ABCB4: variants seen among roughly 807,000 people sequenced by gnomAD.
The protein encoded by ABCB4 is ATP binding cassette subfamily B member 4.
In ABCB4, 76 loss-of-function variants were observed where a neutral mutation model predicts 145.7. The ratio of observed to expected loss-of-function variants is 0.52; its 90% CI spans 0.43 to 0.63. ABCB4 has a LOEUF of 0.63. Among genes scored for constraint, ABCB4 ranks in the 30% least tolerant of loss-of-function variants. The probability of loss-of-function intolerance (pLI) is 0.00; values close to 1 mark genes in which losing one functional copy is unlikely to be tolerated. For synonymous variants in ABCB4, 517 were observed against 566.8 expected, an observed-to-expected ratio of 0.91 and a Z score of 1.25; for missense variants, 1,234 against 1,553.1, an observed-to-expected ratio of 0.79 and a Z score of 3.45.
the ABCB4 span, among the ~76,000 whole-genome samples, chr7:87,374,253 T>C: frequency 6.6e-6 from 1 of 152,250 alleles, no homozygotes; most frequent in South Asian, 2.1e-4. Flanking sequence ...TTACCAAATC[T>C]GTATCTCTTA....
the ABCB4 span, chr7:87,369,789 T>C: frequency 6.6e-6 from 1 of 151,238 alleles, no homozygotes; most frequent in East Asian, 1.9e-4. Context: ...CCTGTTGCAA[T>C]GAATTTACAT....
the ABCB4 span, chr7:87,382,106 A>G: frequency 1.1e-5 from 18 of 1,613,562 alleles, no homozygotes; most frequent in Non-Finnish European, 1.3e-5. Context: ...TACCACTTCC[A>G]GAAGAGCTCA....
chr7:87,372,197 C>T, the ABCB4 span, among the ~76,000 whole-genome samples: 1 of 151,856 alleles, frequency 6.6e-6, no homozygotes, highest in African/African-American at 2.4e-5. Context: ...TTTACTTTAT[C>T]CTTATTGATT....
intron 21 of ABCB4, among the ~76,000 whole-genome samples, chr7:87,414,812 A>G (rs767975468): frequency 2.5e-4 from 38 of 152,254 alleles, no homozygotes; most frequent in Non-Finnish European, 4.8e-4. Flanking sequence ...GAGAAAAATT[A>G]CTGAGCTTTT....
At chr7:87,406,032 G>A (rs1205820099) in intron 26 of ABCB4, 7 of 554,950 alleles carry the variant, frequency 1.3e-5, no homozygotes, top group Non-Finnish European at 1.9e-5. Flanking sequence ...CATGACTGCA[G>A]TCTAAATGCA....
At chr7:87,475,243 AC>A (rs1813716031) in intron 2 of ABCB4, 142 bp downstream of exon 2, 3 of 946,278 alleles carry the variant, frequency 3.2e-6, no homozygotes, top group Non-Finnish European at 5.1e-6. Context: ...CAAGGTCAGA[AC>A]CGGATGCAAG....
intron 16 of ABCB4, among the ~76,000 whole-genome samples, chr7:87,426,466 C>T (rs774853747): frequency 6.6e-6 from 1 of 152,102 alleles, no homozygotes; most frequent in Non-Finnish European, 1.5e-5. Flanking sequence ...GTCTTATTAC[C>T]TCTGGACCTC....
Position 87,475,479 on chromosome 7 carries a change from G to C in ABCB4, c.-6-8C>G. 1 of 1,614,128 alleles carries C rather than the reference G, an allele frequency of 6.2e-7. No individual in the cohort carries two copies. Among genetic ancestry groups the C allele is most frequent in the Non-Finnish European group, 8.5e-7 (1 of 1,179,982 alleles). ...CTCAAGATCCATCTCAGCCTGAGGA[G>C]AAACCACAGCCTCAGAACCAAGTAC... is the stretch of plus-strand genomic sequence containing the variant. On this transcript the variant is annotated splice_polypyrimidine_tract_variant and splice_region_variant and intron_variant, in intron 1 of 27. Coordinates refer to ENST00000649586, the MANE Select transcript of ABCB4 (RefSeq NM_000443.4).
rs1809050928 is a variant in ABCB4, at chr7:87,417,352, T to C, written c.2642A>G (p.Asn881Ser). 1 of 1,614,036 alleles carries C rather than the reference T, an allele frequency of 6.2e-7. No individual in the cohort carries two copies. Among genetic ancestry groups the C allele is most frequent in the Non-Finnish European group, 8.5e-7 (1 of 1,180,014 alleles). ...CAGTTCTTTTTTATCTCTTTTGGCATTTCCAGCCAACAATTTCATTTCAAC... is the reference window on the plus strand; with the variant it reads ...CAGTTCTTTTTTATCTCTTTTGGCACTTCCAGCCAACAATTTCATTTCAAC... ...GIVEMKLLAG[N>S]AKRDKKELEA... The change falls in exon 21 of 28, where the codon AAT becomes AGT. Residue 881 changes from asparagine (N) to serine (S), a missense_variant. Coordinates refer to ENST00000649586, the MANE Select transcript of ABCB4 (RefSeq NM_000443.4).
At chr7:87,385,294 A>G in the ABCB4 span, among the ~76,000 whole-genome samples, 1 of 152,094 alleles carries the variant, frequency 6.6e-6, no homozygotes, top group Non-Finnish European at 1.5e-5. Flanking sequence ...TAGGATGGAC[A>G]TTTTAACAAT....
intron 23 of ABCB4, among the ~76,000 whole-genome samples, chr7:87,409,961 T>C (rs1420401716): frequency 6.6e-6 from 1 of 152,212 alleles, no homozygotes; most frequent in Non-Finnish European, 1.5e-5. Context: ...ATAACTATGC[T>C]ATCAGTTATT....
the ABCB4 span, among the ~76,000 whole-genome samples, chr7:87,396,076 G>A: frequency 6.6e-6 from 1 of 152,170 alleles, no homozygotes; most frequent in African/African-American, 2.4e-5. Flanking sequence ...GCCAGTCTAG[G>A]AAATCATGAA....
chr7:87,412,434 T>G (rs189693339), intron 22 of ABCB4, among the ~76,000 whole-genome samples: 1 of 152,312 alleles, frequency 6.6e-6, no homozygotes, highest in Non-Finnish European at 1.5e-5. Context: ...TTGTTTCCTG[T>G]AACTAATTGT....
intron 18 of ABCB4, among the ~76,000 whole-genome samples, chr7:87,420,765 C>T (rs1324144879): frequency 6.6e-6 from 1 of 152,086 alleles, no homozygotes; most frequent in Non-Finnish European, 1.5e-5. Flanking sequence ...CAATCAAAGG[C>T]CAAAAATCTT....
In ABCB4 at chr7:87,439,695, TCACTTTCTGTGTC is replaced by T. The variant is rs1250100253; in HGVS notation, c.1690_1702del (p.Asp564LysfsTer19). 6.2e-7 allele frequency: 1 copy of T among 1,614,030 alleles called. No individual in the cohort carries two copies. The highest frequency in any genetic ancestry group is 8.5e-7 in the Non-Finnish European group (1 of 1,180,014). ...ATCCAGAGCTGCCTGTACCTCAGCT[TCACTTTCTGTGTC>T]CAATGCTGACGTGGCCTCATCCAGC... On this transcript the variant is annotated frameshift_variant, in exon 14 of 28. Transcript: ENST00000649586. LOFTEE classifies it high-confidence loss of function.
intron 25 of ABCB4, among the ~76,000 whole-genome samples, chr7:87,407,395 C>A (rs530392830): frequency 7.0e-4 from 106 of 152,194 alleles, no homozygotes; most frequent in Non-Finnish European, 1.4e-3. Context: ...GGCTTAACAA[C>A]TATTAATAAA....
intron 3 of ABCB4, among the ~76,000 whole-genome samples, chr7:87,465,896 T>G (rs1334346045): frequency 6.6e-6 from 1 of 152,212 alleles, no homozygotes; most frequent in Non-Finnish European, 1.5e-5. Flanking sequence ...AAAACCCATC[T>G]GTACGTCACC....
chr7:87,410,119 T>A (rs1298038458), intron 23 of ABCB4, among the ~76,000 whole-genome samples: 2 of 152,142 alleles, frequency 1.3e-5, no homozygotes, highest in African/African-American at 4.8e-5. Context: ...AAAAGTCACC[T>A]TAAACTAAAG....
the ABCB4 span, among the ~76,000 whole-genome samples, chr7:87,372,007 C>CAAAAAAAAAAAAAAAAAAAAAAA: frequency 8.1e-6 from 1 of 124,002 alleles, no homozygotes. Context: ...AAAAAAAAAA[C>CAAAAAAAAAAAAAAAAAAAAAAA]AAAAAAAAAA....
Sources: allele counts gnomAD v4.1 joint callset (sites outside exome capture counted in the v4.1 genomes callset), GRCh38; gene constraint gnomAD v4.1.1; transcripts MANE v1.5; gene names NCBI Gene and HGNC (gene_info 2026-07-23, HGNC 2026-07-21).